The following CRTAM variants were observed in gnomAD, a reference collection of about 807,000 sequenced individuals.
CRTAM encodes the protein cytotoxic and regulatory T cell molecule.
CRTAM carries 44 observed loss-of-function variants against 50.0 expected under a neutral mutation model. That is an observed-to-expected ratio of 0.88 (90% CI 0.69 to 1.13). CRTAM has a LOEUF of 1.13. Ranked by LOEUF, CRTAM falls within the 50% of genes most tolerant of loss-of-function variation. The pLI is 0.00. For synonymous variants in CRTAM, 159 were observed against 169.3 expected (o/e 0.94, Z 0.47); for missense variants, 448 against 457.5 (o/e 0.98, Z 0.19).
chr11:122,864,465 T>C, intron 6 of CRTAM, 171 bp from the exon 7 acceptor site: 1 of 559,968 alleles, frequency 1.8e-6, no homozygotes, highest in Non-Finnish European at 3.2e-6. Context: ...AAAGTGAGCC[T>C]AGCCATTTGC....
chr11:122,843,436 G>GACCT (rs1861824039), intron 1 of CRTAM, among the ~76,000 whole-genome samples: 1 of 152,130 alleles, frequency 6.6e-6, no homozygotes, highest in African/African-American at 2.4e-5. Flanking sequence ...AGGAAGTGGT[G>GACCT]ACCTCACAGG....
At position 122,854,019 on chromosome 11, in the gene CRTAM, C is replaced by A; in HGVS notation, c.423C>A (p.Cys141Ter). ...GAGAAGAACATGTTGTACTCATGTG[C>A]TCCACCATGAGAAGCAAGCCCCCTC... The part of the protein sequence containing the change: ...QNGEEHVVLM[C>*]STMRSKPPPQ... Residue 141 changes from cysteine (C) to a stop codon, truncating the protein, a stop_gained, in exon 4 of 10, where the codon TGC (cysteine) becomes TGA (stop). Coordinates refer to ENST00000227348, the MANE Select transcript of CRTAM (RefSeq NM_019604.4). LOFTEE classifies it high-confidence loss of function. 3 of 1,614,006 alleles carry A rather than the reference C, an allele frequency of 1.9e-6. No homozygotes were observed. Among genetic ancestry groups the A allele is most frequent in the South Asian group, 1.1e-5 (1 of 91,076 alleles).
At chr11:122,839,506 T>C (rs1861774131) in intron 1 of CRTAM, among the ~76,000 whole-genome samples, 1 of 152,248 alleles carries the variant, frequency 6.6e-6, no homozygotes, top group African/African-American at 2.4e-5. Context: ...CATTTTACTA[T>C]AATTTTCAAA....
At chr11:122,860,194 C>G (rs569166954) in intron 5 of CRTAM, among the ~76,000 whole-genome samples, 1 of 151,986 alleles carries the variant, frequency 6.6e-6, no homozygotes, top group Admixed American at 6.6e-5. Context: ...ATTATAGGTG[C>G]CCACCACCAT....
At chr11:122,848,945 TC>T (rs1387548368) in intron 1 of CRTAM, among the ~76,000 whole-genome samples, 3 of 152,338 alleles carry the variant, frequency 2.0e-5, no homozygotes, top group African/African-American at 7.2e-5. Flanking sequence ...TTCATCAATT[TC>T]TTTTTTTGGG....
At chr11:122,848,702 T>C (rs1299270386) in intron 1 of CRTAM, among the ~76,000 whole-genome samples, 1 of 152,220 alleles carries the variant, frequency 6.6e-6, no homozygotes, top group African/African-American at 2.4e-5. Context: ...AGAAAATATA[T>C]TCTCCTGGTT....
intron 5 of CRTAM, among the ~76,000 whole-genome samples, chr11:122,858,772 C>T (rs762509585): frequency 8.5e-5 from 13 of 152,150 alleles, no homozygotes; most frequent in Non-Finnish European, 1.9e-4. Context: ...AAGTAATCCT[C>T]CCTCATCGGC....
intron 5 of CRTAM, among the ~76,000 whole-genome samples, chr11:122,858,164 T>G (rs1862029222): frequency 6.6e-6 from 1 of 152,168 alleles, no homozygotes; most frequent in African/African-American, 2.4e-5. Context: ...TCTCCCTCTT[T>G]GGCCTCCCAA....
At chr11:122,857,349 A>G (rs1157062374) in intron 5 of CRTAM, among the ~76,000 whole-genome samples, 1 of 152,206 alleles carries the variant, frequency 6.6e-6, no homozygotes, top group Non-Finnish European at 1.5e-5. Flanking sequence ...GACGCCTGTA[A>G]TCCCAGCTAC....
chr11:122,860,366 T>A (rs1448878125), intron 5 of CRTAM, among the ~76,000 whole-genome samples: 7 of 152,104 alleles, frequency 4.6e-5, no homozygotes, highest in Non-Finnish European at 1.0e-4. Flanking sequence ...TTTAATATAT[T>A]TTCATTTTAA....
chr11:122,857,237 G>C (rs944272684), intron 5 of CRTAM, among the ~76,000 whole-genome samples: 1 of 152,192 alleles, frequency 6.6e-6, no homozygotes, highest in Non-Finnish European at 1.5e-5. Flanking sequence ...GGGAAGCCGA[G>C]GCGGGCAGAT....
chr11:122,844,260 G>A (rs1337434662), intron 1 of CRTAM, among the ~76,000 whole-genome samples: 1 of 152,154 alleles, frequency 6.6e-6, no homozygotes, highest in African/African-American at 2.4e-5. Flanking sequence ...TCATAAGCAT[G>A]CATCCTAAGA....
At chr11:122,858,101 G>A (rs115700060) in intron 5 of CRTAM, among the ~76,000 whole-genome samples, 34 of 152,142 alleles carry the variant, frequency 2.2e-4, no homozygotes, top group African/African-American at 7.5e-4. Flanking sequence ...TTGCTGAGAC[G>A]GGGTCTCCCT....
intron 7 of CRTAM, among the ~76,000 whole-genome samples, chr11:122,865,892 C>A (rs57081545): frequency 6.6e-6 from 1 of 152,080 alleles, no homozygotes; most frequent in Non-Finnish European, 1.5e-5. Flanking sequence ...TTTCCAAGAA[C>A]TTTTGAGTCT....
intron 1 of CRTAM, among the ~76,000 whole-genome samples, chr11:122,838,925 T>TTTAA (rs139390338): frequency 6.6e-6 from 1 of 151,624 alleles, no homozygotes; most frequent in African/African-American, 2.4e-5. Context: ...TTTTATTTTA[T>TTTAA]TTTATTTATT....
In CRTAM at chr11:122,862,511, T is replaced by G. The variant is rs1430492067; in HGVS notation, c.700T>G (p.Ser234Ala). Residue 234 changes from serine (S) to alanine (A), a missense_variant, in exon 6 of 10, where the codon TCC becomes GCC. Ser to Ala is a moderately conservative substitution (Grantham distance 99). Coordinates refer to ENST00000227348, the MANE Select transcript of CRTAM (RefSeq NM_019604.4). The part of the protein sequence containing the change: ...ASDALERNSL[S>A]SQDPQQPTST... ...AGATGCTCTGGAGAGAAACTCTCTA[T>G]CCTCTCAAGACCCACAGCAGCCCAC... The G allele has an allele frequency of 6.2e-7, 1 of 1,613,084 alleles. No homozygotes were observed. Among genetic ancestry groups the G allele is most frequent in the Non-Finnish European group, 8.5e-7 (1 of 1,179,140 alleles).
intron 1 of CRTAM, among the ~76,000 whole-genome samples, chr11:122,844,510 A>G (rs995044066): frequency 6.6e-6 from 1 of 152,226 alleles, no homozygotes; most frequent in Admixed American, 6.5e-5. Flanking sequence ...ACTTTCTTCC[A>G]GTAGCTTCCT....
intron 5 of CRTAM, among the ~76,000 whole-genome samples, chr11:122,860,852 G>A (rs973534706): frequency 3.3e-5 from 5 of 151,860 alleles, no homozygotes; most frequent in Non-Finnish European, 5.9e-5. Flanking sequence ...CTACAGGGGC[G>A]CACCACCATG....
intron 5 of CRTAM, 47 bp from the exon 6 acceptor site, chr11:122,862,416 TA>T: frequency 8.4e-7 from 1 of 1,193,990 alleles, no homozygotes; most frequent in Non-Finnish European, 1.3e-6. Context: ...ACAATGTGGG[TA>T]AAACTGCTCT....
Sources: allele counts gnomAD v4.1 joint callset (sites outside exome capture counted in the v4.1 genomes callset), GRCh38; gene constraint gnomAD v4.1.1; transcripts MANE v1.5; gene names NCBI Gene and HGNC (gene_info 2026-07-23, HGNC 2026-07-21).